The following TEX9 variants were observed in gnomAD, a reference collection of about 807,000 sequenced individuals.
TEX9 encodes the protein testis expressed 9, also known as testis-expressed protein 9.
A neutral mutation model predicts 59.6 loss-of-function variants in TEX9; 74 were observed. The ratio of observed to expected loss-of-function variants is 1.24; its 90% confidence interval spans 1.03 to 1.51. TEX9 has a LOEUF of 1.51. TEX9 is among the 40% of genes most tolerant of loss of function. The pLI, the probability that TEX9 is intolerant of heterozygous loss-of-function variation, is 0.00. For synonymous variants in TEX9, 186 were observed against 152.2 expected (o/e 1.22, Z -1.64); for missense variants, 522 against 447.8 (o/e 1.17, Z -1.49).
intron 1 of TEX9, among the ~76,000 whole-genome samples, chr15:56,358,518 C>T (rs1368258319): frequency 6.6e-6 from 1 of 151,966 alleles, no homozygotes; most frequent in Non-Finnish European, 1.5e-5. Context: ...TTCCCATATA[C>T]CCTGCACCTA....
chr15:56,309,537 TTGTC>T (rs1394288515), intron 1 of TEX9, among the ~76,000 whole-genome samples: 3 of 152,118 alleles, frequency 2.0e-5, no homozygotes, highest in Admixed American at 6.6e-5. Flanking sequence ...TGTGAAATCT[TTGTC>T]TGGTTTTGGT....
chr15:56,290,817 G>A (rs56308610), intron 1 of TEX9, among the ~76,000 whole-genome samples: 1,883 of 149,030 alleles, frequency 0.013, 48 homozygotes, highest in African/African-American at 0.044. Context: ...CCATTGTGTT[G>A]CTGCAGATTC....
chr15:56,330,430 A>G (rs1342651706), intron 1 of TEX9, among the ~76,000 whole-genome samples: 1 of 152,208 alleles, frequency 6.6e-6, no homozygotes, highest in African/African-American at 2.4e-5. Flanking sequence ...CTAAGTAGAA[A>G]GACTAAGTGA....
rs182048656 is a variant in TEX9 at position 56,368,615 on chromosome 15, A to T, written c.119+2945A>T. Among the ~76,000 whole-genome samples the T allele has an allele frequency of 3.6e-4, 55 of 152,146 alleles. No homozygotes were observed. In the East Asian group the frequency reaches 9.8e-3, roughly 27 times the overall value. Reference sequence around the variant, plus strand: ...TAATGATTAGATGTACTATTTCTAGAATAGTTTTTGGTTATTTCTAAAATA... The same window carrying T: ...TAATGATTAGATGTACTATTTCTAGTATAGTTTTTGGTTATTTCTAAAATA... On this transcript the variant is annotated intron_variant, in intron 2 of 12. Transcript: ENST00000352903.
chr15:56,244,583 C>G lies in TEX9; in HGVS notation c.-107+305C>G, dbSNP rs529277549. Reference sequence around the variant, plus strand: ...TGCTGTTCCCCTCCACCTCCCCACCCCACCCCACCCCCTTTCCAGGAATGC... The same window carrying G: ...TGCTGTTCCCCTCCACCTCCCCACCGCACCCCACCCCCTTTCCAGGAATGC... On this transcript the variant is annotated intron_variant, in intron 1 of 5. Transcript: ENST00000560827. Among the ~76,000 whole-genome samples, 62 of 149,080 alleles carry G rather than the reference C, an allele frequency of 4.2e-4. 1 individual carries two copies. Among genetic ancestry groups the G allele is most frequent in the African/African-American group, 1.4e-3 (57 of 40,254 alleles).
intron 1 of TEX9, among the ~76,000 whole-genome samples, chr15:56,282,544 AT>A (rs1476699995): frequency 6.6e-6 from 1 of 152,186 alleles, no homozygotes; most frequent in Non-Finnish European, 1.5e-5. Context: ...TTTGCAAATT[AT>A]ATTCTTAGAT....
intron 1 of TEX9, among the ~76,000 whole-genome samples, chr15:56,252,183 C>T (rs750337063): frequency 5.7e-4 from 87 of 152,148 alleles, no homozygotes; most frequent in Non-Finnish European, 1.2e-3. Flanking sequence ...GTCATACTAT[C>T]TCATTGTAGG....
intron 3 of TEX9, among the ~76,000 whole-genome samples, chr15:56,378,736 T>G (rs2047577637): frequency 6.6e-6 from 1 of 151,974 alleles, no homozygotes; most frequent in Non-Finnish European, 1.5e-5. Context: ...TTCTACTAAT[T>G]TTGGTTTGGT....
At chr15:56,307,105 G>C (rs1011304427) in intron 1 of TEX9, among the ~76,000 whole-genome samples, 1 of 152,004 alleles carries the variant, frequency 6.6e-6, no homozygotes, top group Admixed American at 6.6e-5. Context: ...ACTAAATATC[G>C]GTGAGTACTG....
intron 3 of TEX9, among the ~76,000 whole-genome samples, chr15:56,379,415 G>A (rs1279289605): frequency 1.3e-5 from 2 of 152,136 alleles, no homozygotes; most frequent in African/African-American, 4.8e-5. Flanking sequence ...GAAGATGCTT[G>A]ATATTATTTC....
At chr15:56,422,607 CAT>C (rs1414854222) in intron 10 of TEX9, among the ~76,000 whole-genome samples, 1 of 151,770 alleles carries the variant, frequency 6.6e-6, no homozygotes, top group Non-Finnish European at 1.5e-5. Context: ...CTGCTATTGT[CAT>C]ATGTTTTATC....
At chr15:56,452,026 TA>T in the TEX9 span, among the ~76,000 whole-genome samples, 1 of 152,230 alleles carries the variant, frequency 6.6e-6, no homozygotes, top group African/African-American at 2.4e-5. Context: ...ATGTTTACTA[TA>T]ACTACTAATA....
downstream of TEX9, among the ~76,000 whole-genome samples, chr15:56,448,702 G>A (rs2050925679): frequency 6.7e-6 from 1 of 150,362 alleles, no homozygotes; most frequent in Non-Finnish European, 1.5e-5. Context: ...ACATATAAAT[G>A]CATATGCTTT....
intron 1 of TEX9, among the ~76,000 whole-genome samples, chr15:56,321,790 G>C (rs537910022): frequency 1.3e-5 from 2 of 152,192 alleles, no homozygotes; most frequent in African/African-American, 4.8e-5. Context: ...CTATCCTCAA[G>C]TACTGATTTG....
chr15:56,280,137 A>G (rs557418016), intron 1 of TEX9, among the ~76,000 whole-genome samples: 1 of 152,338 alleles, frequency 6.6e-6, no homozygotes, highest in East Asian at 1.9e-4. Flanking sequence ...TCAGTAAGTT[A>G]ATTGTATTAA....
chr15:56,331,594 T>G (rs2046145312), intron 1 of TEX9, among the ~76,000 whole-genome samples: 1 of 152,130 alleles, frequency 6.6e-6, no homozygotes, highest in South Asian at 2.1e-4. Flanking sequence ...TTGAAAAATT[T>G]CTTGAAACAA....
At chr15:56,298,909 A>C (rs1470350158) in intron 1 of TEX9, among the ~76,000 whole-genome samples, 1 of 152,212 alleles carries the variant, frequency 6.6e-6, no homozygotes, top group Non-Finnish European at 1.5e-5. Context: ...ACATGAATAA[A>C]TTTTTTATCT....
intron 1 of TEX9, among the ~76,000 whole-genome samples, chr15:56,271,289 G>C (rs1484800005): frequency 6.6e-6 from 1 of 151,918 alleles, no homozygotes; most frequent in Non-Finnish European, 1.5e-5. Context: ...ACGTAGATTT[G>C]ATCTTTTCAC....
At chr15:56,249,842 G>C (rs1409929456) in intron 1 of TEX9, among the ~76,000 whole-genome samples, 1 of 146,396 alleles carries the variant, frequency 6.8e-6, no homozygotes, top group Non-Finnish European at 1.5e-5. Context: ...GAAAATCAAA[G>C]ATTGGGGTTC....
Sources: gnomAD v4.1 joint callset for allele counts (sites outside exome capture counted in the v4.1 genomes callset) on GRCh38, gnomAD v4.1.1 for gene constraint, MANE v1.5 for transcripts, NCBI Gene and HGNC (gene_info 2026-07-23, HGNC 2026-07-21) for gene names.